The following INPP4B variants were observed in gnomAD, a reference collection of about 807,000 sequenced individuals.
The protein encoded by INPP4B is inositol polyphosphate 4-phosphatase type II.
Under a neutral mutation model 122.5 loss-of-function variants are expected in INPP4B, and 55 were observed. That is an observed-to-expected ratio of 0.45 (90% CI 0.36 to 0.56). INPP4B has a LOEUF of 0.56. Among genes scored for constraint, INPP4B ranks in the 20% least tolerant of loss-of-function variants. The pLI, the probability that INPP4B is intolerant of heterozygous loss-of-function variation, is 0.00. For synonymous variants in INPP4B, 403 were observed against 388.7 expected, an observed-to-expected ratio of 1.04 and a Z score of -0.43; for missense variants, 1,000 against 1,097.7, an observed-to-expected ratio of 0.91 and a Z score of 1.26.
chr4:142,224,305 T>C (rs1274750729), intron 12 of INPP4B, among the ~76,000 whole-genome samples: 2 of 152,318 alleles, frequency 1.3e-5, no homozygotes, highest in Middle Eastern at 3.4e-3. Flanking sequence ...ATAATGTAGA[T>C]GTTTTTGATA....
At chr4:142,240,927 A>G (rs762289339) in intron 11 of INPP4B, among the ~76,000 whole-genome samples, 13 of 152,260 alleles carry the variant, frequency 8.5e-5, no homozygotes, top group Non-Finnish European at 1.2e-4. Context: ...TATCGCACAT[A>G]AAAGAAAGGC....
intron 25 of INPP4B, among the ~76,000 whole-genome samples, chr4:142,033,927 A>G (rs336351): frequency 0.061 from 9,293 of 151,990 alleles, 335 homozygotes; most frequent in African/African-American, 0.099. Context: ...TTAGCCTCCC[A>G]TAGTGCTGGG....
intron 12 of INPP4B, among the ~76,000 whole-genome samples, chr4:142,216,463 A>C (rs1847306439): frequency 6.6e-6 from 1 of 152,244 alleles, no homozygotes; most frequent in African/African-American, 2.4e-5. Flanking sequence ...CAAAGGAGAC[A>C]TATAATTGCT....
intron 1 of INPP4B, among the ~76,000 whole-genome samples, chr4:142,742,104 C>T (rs887271804): frequency 1.3e-5 from 2 of 151,886 alleles, no homozygotes; most frequent in Non-Finnish European, 2.9e-5. Flanking sequence ...TGGTGCCCTA[C>T]CCAGATTTCC....
intron 9 of INPP4B, among the ~76,000 whole-genome samples, chr4:142,295,735 C>T (rs1201430738): frequency 6.6e-6 from 1 of 150,870 alleles, no homozygotes; most frequent in Admixed American, 6.6e-5. Context: ...ATTCACTTTC[C>T]CTTTTTTTTT....
At chr4:142,033,334 C>A (rs1312334633) in intron 25 of INPP4B, among the ~76,000 whole-genome samples, 5 of 152,144 alleles carry the variant, frequency 3.3e-5, no homozygotes, top group Non-Finnish European at 7.3e-5. Flanking sequence ...GCCAGCCACA[C>A]CCTCTGGACC....
intron 8 of INPP4B, among the ~76,000 whole-genome samples, chr4:142,314,292 C>G (rs1463997051): frequency 6.6e-6 from 1 of 152,164 alleles, no homozygotes; most frequent in Non-Finnish European, 1.5e-5. Context: ...GTGGCTGCCT[C>G]TCTTTTGACC....
At chr4:142,411,005 C>T (rs1038857649) in intron 5 of INPP4B, among the ~76,000 whole-genome samples, 4 of 152,046 alleles carry the variant, frequency 2.6e-5, no homozygotes, top group Non-Finnish European at 5.9e-5. Context: ...GCTAAATATA[C>T]ATTTTTAAAA....
intron 2 of INPP4B, among the ~76,000 whole-genome samples, chr4:142,495,788 G>T (rs188334739): frequency 6.6e-6 from 1 of 152,216 alleles, no homozygotes; most frequent in Admixed American, 6.6e-5. Context: ...AGAATGTATT[G>T]AATTATAAAC....
intron 10 of INPP4B, among the ~76,000 whole-genome samples, chr4:142,266,185 G>A (rs1742708406): frequency 2.6e-5 from 4 of 152,182 alleles, no homozygotes; most frequent in Non-Finnish European, 5.9e-5. Flanking sequence ...ACAAAGATGA[G>A]TCTTATATAG....
intron 12 of INPP4B, among the ~76,000 whole-genome samples, chr4:142,214,380 A>G (rs1846154252): frequency 6.6e-6 from 1 of 152,134 alleles, no homozygotes; most frequent in Admixed American, 6.5e-5. Context: ...AGGATTTGTA[A>G]TACAGTCTGG....
At chr4:142,460,424 C>T (rs1347447281) in intron 3 of INPP4B, among the ~76,000 whole-genome samples, 2 of 152,104 alleles carry the variant, frequency 1.3e-5, no homozygotes, top group Non-Finnish European at 2.9e-5. Context: ...TAACATGCTC[C>T]CCAGATGCCA....
chr4:142,343,248 C>T (rs1322355381), intron 7 of INPP4B, among the ~76,000 whole-genome samples: 1 of 152,040 alleles, frequency 6.6e-6, no homozygotes, highest in Admixed American at 6.6e-5. Flanking sequence ...CAGTTCATTC[C>T]TGTGGAGCAA....
At chr4:142,567,209 A>G (rs1003981510) in intron 2 of INPP4B, among the ~76,000 whole-genome samples, 4 of 152,210 alleles carry the variant, frequency 2.6e-5, no homozygotes, top group Non-Finnish European at 4.4e-5. Context: ...TGCATTCTGA[A>G]TAACTATACT....
At chr4:142,257,252 C>T (rs1229318093) in intron 11 of INPP4B, among the ~76,000 whole-genome samples, 1 of 152,214 alleles carries the variant, frequency 6.6e-6, no homozygotes, top group Non-Finnish European at 1.5e-5. Flanking sequence ...CAATATCATA[C>T]TGAATGGGCA....
chr4:142,283,810 T>TA lies in INPP4B; in HGVS notation c.504-13037dup, dbSNP rs1561739360. ...CAGATGACATTAAAAGCTTTAAGAC[T>TA]AGATGGAAGAAAGTGAATGAAGAGT... On this transcript the variant is annotated intron_variant, in intron 9 of 25. Transcript: ENST00000262992. Among the ~76,000 whole-genome samples the TA allele has an allele frequency of 2.6e-5, 4 of 152,166 alleles. No homozygotes were observed. The South Asian group carries it at 8.3e-4, about 32-fold the overall frequency.
chr4:142,049,848 A>C (rs1349900737), intron 25 of INPP4B, among the ~76,000 whole-genome samples: 3 of 152,070 alleles, frequency 2.0e-5, no homozygotes, highest in Admixed American at 2.0e-4. Context: ...TTCCAGAAAG[A>C]TGAATCTATC....
intron 2 of INPP4B, among the ~76,000 whole-genome samples, chr4:142,628,422 GA>G (rs1470599439): frequency 6.9e-5 from 4 of 57,872 alleles, no homozygotes; most frequent in Non-Finnish European, 1.4e-4. Flanking sequence ...GGGGTGGGGG[GA>G]GGGGGGAGGG....
At chr4:142,029,977 T>C (rs1436296099) in intron 25 of INPP4B, 1 of 1,381,530 alleles carries the variant, frequency 7.2e-7, no homozygotes, top group Non-Finnish European at 9.4e-7. Context: ...TAGTACTTTT[T>C]GTTTTTTAGA....
Sources: gnomAD v4.1 joint callset for allele counts (sites outside exome capture counted in the v4.1 genomes callset) on GRCh38, gnomAD v4.1.1 for gene constraint, MANE v1.5 for transcripts, NCBI Gene and HGNC (gene_info 2026-07-23, HGNC 2026-07-21) for gene names.